Variants in DNAJC17 observed in about 807,000 individuals in gnomAD.
DNAJC17 encodes DnaJ heat shock protein family (Hsp40) member C17.
A neutral mutation model predicts 48.1 loss-of-function variants in DNAJC17; 35 were observed. The observed-to-expected ratio is 0.73, with a 90% CI of 0.56 to 0.96. The LOEUF (loss-of-function observed/expected upper bound fraction) is 0.96, where lower values mean the gene tolerates loss of function less well. DNAJC17 is among the 50% of genes least tolerant of loss of function. DNAJC17 has a pLI of 0.00. For missense variants in DNAJC17, 355 were observed against 377.1 expected, an observed-to-expected ratio of 0.94 and a Z score of 0.48; for synonymous variants, 117 against 142.7, an observed-to-expected ratio of 0.82 and a Z score of 1.28.
chr15:40,776,108 C>T, intron 6 of DNAJC17, 88 bp downstream of exon 6: 9 of 1,296,654 alleles, frequency 6.9e-6, no homozygotes, highest in South Asian at 2.5e-5. Context: ...GAAGCCTCCA[C>T]AGCAGCTCCA....
intron 1 of DNAJC17, chr15:40,792,518 C>G: frequency 2.0e-6 from 2 of 985,400 alleles, no homozygotes; most frequent in Non-Finnish European, 2.4e-6. Flanking sequence ...CTGCTACAGA[C>G]AGAAGAGAAA....
chr15:40,768,875 G>A (rs938501214), intron 10 of DNAJC17, among the ~76,000 whole-genome samples: 1 of 152,254 alleles, frequency 6.6e-6, no homozygotes, highest in Admixed American at 6.5e-5. Flanking sequence ...GCACACCTGA[G>A]TTGGCACAGA....
rs549477696 is a variant in DNAJC17, at chr15:40,769,854, C to G, written c.793-1792G>C. ...GAGGAATCTTAAGCTCCCCATTGCC[C>G]TGGGGTGTTGGTCCCAGCTGCCCCA... On this transcript the variant is annotated intron_variant, in intron 10 of 10. Coordinates refer to ENST00000220496, the MANE Select transcript of DNAJC17 (RefSeq NM_018163.3). This position sits in a 1 kb window ranked among gnomAD's most constrained non-coding sequence, Gnocchi z 4.2. 1.4e-4 allele frequency: 22 copies of G among 153,022 alleles called. No individual in the cohort carries two copies. The highest frequency in any genetic ancestry group is 4.8e-4 in the African/African-American group (20 of 41,566). 9.5% of individuals were successfully genotyped at this position (153,022 alleles called of 1,614,324 possible).
chr15:40,801,978 G>A (rs1566831755), intron 1 of DNAJC17, among the ~76,000 whole-genome samples: 1 of 151,868 alleles, frequency 6.6e-6, no homozygotes, highest in Non-Finnish European at 1.5e-5. Context: ...CAGAGAGGGT[G>A]AACAGGTTTG....
At chr15:40,792,470 C>T in intron 1 of DNAJC17, 1 of 985,384 alleles carries the variant, frequency 1.0e-6, no homozygotes, top group Non-Finnish European at 1.2e-6. Context: ...GATGAATGAG[C>T]TACACACCCT....
chr15:40,776,641 T>C lies in DNAJC17; in HGVS notation c.296-14A>G, dbSNP rs1004495752. 4.3e-6 allele frequency: 7 copies of C among 1,613,442 alleles called. No homozygotes were observed. The African/African-American group carries it at 8.0e-5, about 18-fold the overall frequency. On this transcript the variant is annotated splice_polypyrimidine_tract_variant and intron_variant, in intron 4 of 10. Coordinates refer to ENST00000220496, the MANE Select transcript of DNAJC17 (RefSeq NM_018163.3). ...GGGCCTCCAGGTCTAGACACAAGGG[T>C]TGAATGACCAGACTGCTGGTCTGTT...
Position 40,765,734 on chromosome 15 carries a change from A to G in DNAJC17, c.*2206T>C. On this transcript the variant is annotated 3_prime_UTR_variant, in exon 11 of 11. Transcript: ENST00000220496. ...TCTCTGTAGCCTTTACCTGAACCTTACTCAGGGCTAGCAGGCAGGGGAGGA... is the reference window on the plus strand; with the variant it reads ...TCTCTGTAGCCTTTACCTGAACCTTGCTCAGGGCTAGCAGGCAGGGGAGGA... 1.8e-6 allele frequency: 1 copy of G among 553,658 alleles called. No individual in the cohort carries two copies. The highest frequency in any genetic ancestry group is 2.5e-5 in the South Asian group (1 of 39,788). The allele number at this position is 553,658 out of a possible 1,614,324, so 34.3% of individuals were successfully genotyped here.
intron 1 of DNAJC17, among the ~76,000 whole-genome samples, chr15:40,790,672 A>C (rs955565525): frequency 5.9e-5 from 9 of 152,178 alleles, no homozygotes; most frequent in Non-Finnish European, 1.0e-4. Context: ...TTGTTTCCAC[A>C]TCTAGGAATT....
chr15:40,798,689 G>C (rs1566830705), intron 1 of DNAJC17, among the ~76,000 whole-genome samples: 1 of 152,114 alleles, frequency 6.6e-6, no homozygotes, highest in Non-Finnish European at 1.5e-5. Flanking sequence ...GCCACTGGGA[G>C]TTGTGACCAG....
chr15:40,777,713 C>T (rs924174847), intron 4 of DNAJC17, among the ~76,000 whole-genome samples: 1 of 147,818 alleles, frequency 6.8e-6, no homozygotes, highest in Non-Finnish European at 1.5e-5. Flanking sequence ...AGCGAAACTC[C>T]GTTTAAGAAA....
rs1048398187 is a variant in DNAJC17 at position 40,769,655 on chromosome 15, C to T, written c.793-1593G>A. 6.6e-6 allele frequency among the ~76,000 whole-genome samples: 1 copy of T among 152,228 alleles called. No individual in the cohort carries two copies. The highest frequency in any genetic ancestry group is 1.5e-5 in the Non-Finnish European group (1 of 68,040). ...ACAGGTCTCTTCCTTCCCCAACAAT[C>T]GTTCCACACGCCTGCCTTTCAATTA... is the stretch of plus-strand genomic sequence containing the variant. On this transcript the variant is annotated intron_variant, in intron 10 of 10. Coordinates refer to ENST00000220496, the MANE Select transcript of DNAJC17 (RefSeq NM_018163.3). This position sits in a 1 kb window ranked among gnomAD's most constrained non-coding sequence, Gnocchi z 4.2.
chr15:40,804,401 G>C (rs1283881621), intron 1 of DNAJC17, among the ~76,000 whole-genome samples: 2 of 150,442 alleles, frequency 1.3e-5, no homozygotes, highest in Non-Finnish European at 3.0e-5. Flanking sequence ...AATATAGCTG[G>C]ACCCCGTCTC....
chr15:40,780,680 G>C, intron 1 of DNAJC17: 1 of 265,392 alleles, frequency 3.8e-6, no homozygotes. Context: ...TAGGCATAGT[G>C]GCGGGCAGCT....
chr15:40,778,378 G>A (rs1037519870), intron 4 of DNAJC17, among the ~76,000 whole-genome samples: 3 of 151,970 alleles, frequency 2.0e-5, no homozygotes, highest in Non-Finnish European at 4.4e-5. Context: ...TCAACTTCTC[G>A]AGTAGTTGGG....
chr15:40,770,312 A>AAT lies in DNAJC17; in HGVS notation c.793-2251_793-2250insAT, dbSNP rs1566818752. The AAT allele has an allele frequency of 1.5e-5, 9 of 618,152 alleles. No homozygotes were observed. The highest frequency in any genetic ancestry group is 2.5e-5 in the Non-Finnish European group (9 of 361,474). 38.3% of individuals were successfully genotyped at this position (618,152 alleles called of 1,614,324 possible). A position where few individuals can be genotyped will look rare whatever the true frequency, so the allele number is the denominator to read the frequency against. On this transcript the variant is annotated intron_variant, in intron 10 of 10. Coordinates refer to ENST00000220496, the MANE Select transcript of DNAJC17 (RefSeq NM_018163.3). The surrounding 1 kb of genome is among the most constrained non-coding windows in gnomAD (Gnocchi z 5.0). Reference sequence around the variant, plus strand: ...AGCTGTCTGCTCTCCTGGGCAAAAAAGTTCCTTCTTCCTGAGCCCTCCTCT... The same window carrying AAT: ...AGCTGTCTGCTCTCCTGGGCAAAAAAATGTTCCTTCTTCCTGAGCCCTCCTCT...
Position 40,768,703 on chromosome 15 carries a change from G to C in DNAJC17, c.793-641C>G, listed in dbSNP as rs1889029371. On this transcript the variant is annotated intron_variant, in intron 10 of 10. Coordinates refer to ENST00000220496, the MANE Select transcript of DNAJC17 (RefSeq NM_018163.3). ...AGAATAATAAACAACCATCTGAATGGGCCAAGGCTGTAGGGTGGAGAAGCA... is the reference window on the plus strand; with the variant it reads ...AGAATAATAAACAACCATCTGAATGCGCCAAGGCTGTAGGGTGGAGAAGCA... Among the ~76,000 whole-genome samples the C allele has an allele frequency of 2.6e-5, 4 of 152,208 alleles. No homozygotes were observed. In the South Asian group the frequency reaches 8.3e-4, roughly 32 times the overall value.
chr15:40,765,802 G>T lies in DNAJC17; in HGVS notation c.*2138C>A, dbSNP rs1259279155. On this transcript the variant is annotated 3_prime_UTR_variant, in exon 11 of 11. Transcript: ENST00000220496. ...CCACCTCCTCCTGGCAGCCAGCCAAGCAGCCACTGTGGCTTACCTTGCAGG... is the reference window on the plus strand; with the variant it reads ...CCACCTCCTCCTGGCAGCCAGCCAATCAGCCACTGTGGCTTACCTTGCAGG... 7.5e-7 allele frequency: 1 copy of T among 1,332,790 alleles called. No homozygotes were observed. The highest frequency in any genetic ancestry group is 1.3e-5 in the South Asian group (1 of 75,498). 82.6% of individuals were successfully genotyped at this position (1,332,790 alleles called of 1,614,324 possible).
intron 1 of DNAJC17, among the ~76,000 whole-genome samples, chr15:40,801,539 G>A (rs554212481): frequency 5.3e-5 from 8 of 152,108 alleles, no homozygotes; most frequent in Non-Finnish European, 8.8e-5. Flanking sequence ...GGCGGATCAC[G>A]AGGTCAGGAG....
intron 1 of DNAJC17, among the ~76,000 whole-genome samples, chr15:40,806,416 A>G (rs1890227289): frequency 6.6e-6 from 1 of 151,958 alleles, no homozygotes; most frequent in Non-Finnish European, 1.5e-5. Flanking sequence ...AAGGGGTTTC[A>G]GCATATTGGT....
Sources: allele counts gnomAD v4.1 joint callset (sites outside exome capture counted in the v4.1 genomes callset), GRCh38; gene constraint gnomAD v4.1.1; non-coding constraint Gnocchi (gnomAD v3.1); transcripts MANE v1.5; gene names NCBI Gene and HGNC (gene_info 2026-07-23, HGNC 2026-07-21).